The following ARHGAP28 variants were observed in gnomAD, a reference collection of about 807,000 sequenced individuals.
ARHGAP28 encodes Rho GTPase activating protein 28.
In ARHGAP28, 56 loss-of-function variants were observed where a neutral mutation model predicts 90.7. That is an observed-to-expected ratio of 0.62 (90% confidence interval 0.50 to 0.77). ARHGAP28 has a LOEUF of 0.77. Ranked by LOEUF, ARHGAP28 falls within the 30% of genes least tolerant of loss-of-function variation. The pLI is 0.00. For synonymous variants in ARHGAP28, 308 were observed against 323.3 expected (o/e 0.95, Z 0.51); for missense variants, 869 against 900.9 (o/e 0.96, Z 0.45).
intron 16 of ARHGAP28, among the ~76,000 whole-genome samples, chr18:6,903,967 C>G (rs1236166358): frequency 6.6e-6 from 1 of 151,642 alleles, no homozygotes; most frequent in Non-Finnish European, 1.5e-5. Flanking sequence ...ATATCAGTAA[C>G]AGAAGGAGAA....
chr18:6,823,941 T>A lies in ARHGAP28; in HGVS notation c.123-821T>A, dbSNP rs74583105. 8.4e-3 allele frequency among the ~76,000 whole-genome samples: 1,285 copies of A among 152,184 alleles called. 10 individuals carry two copies. Among genetic ancestry groups the A allele is most frequent in the Admixed American group, 0.016 (238 of 15,288 alleles). On this transcript the variant is annotated intron_variant, in intron 1 of 17. Transcript: ENST00000383472. Reference sequence around the variant, plus strand: ...ATTTTTTGAGGAACTTCCATACTGTTTTCCATAGAAAGCTGCCCCATTTTA... The same window carrying A: ...ATTTTTTGAGGAACTTCCATACTGTATTCCATAGAAAGCTGCCCCATTTTA...
In ARHGAP28 at chr18:6,890,489, G is replaced by T; in HGVS notation, c.1794G>T (p.Lys598Asn). Reference protein sequence around the residue: ...RRMNEATMLLKKQLPSVRKLL... With the variant: ...RRMNEATMLLNKQLPSVRKLL... ...TGAATGAAGCCACGATGCTATTGAA[G>T]AAGCAGCTCCCAAGTGTCAGGAAGC... Residue 598 changes from lysine (K) to asparagine (N), a missense_variant, in exon 14 of 18, where the codon AAG becomes AAT. Physicochemically the swap from Lys to Asn is moderately conservative, Grantham distance 94 (BLOSUM62 0). Coordinates refer to ENST00000383472, the MANE Select transcript of ARHGAP28 (RefSeq NM_001366230.1). 6.2e-7 allele frequency: 1 copy of T among 1,613,684 alleles called. No individual in the cohort carries two copies. Among genetic ancestry groups the T allele is most frequent in the Non-Finnish European group, 8.5e-7 (1 of 1,179,856 alleles).
chr18:6,895,030 G>A, intron 15 of ARHGAP28, 139 bp downstream of exon 15: 1 of 855,144 alleles, frequency 1.2e-6, no homozygotes, highest in Non-Finnish European at 1.9e-6. Context: ...TAAAGGAATG[G>A]TAGAGGGACC....
At chr18:6,735,276 T>C (rs2055915616) in intron 1 of ARHGAP28, among the ~76,000 whole-genome samples, 1 of 152,222 alleles carries the variant, frequency 6.6e-6, no homozygotes, top group African/African-American at 2.4e-5. Flanking sequence ...AGAATACCAT[T>C]TGTGAAAACT....
At chr18:6,761,086 T>G (rs1011049552) in intron 1 of ARHGAP28, among the ~76,000 whole-genome samples, 1 of 152,094 alleles carries the variant, frequency 6.6e-6, no homozygotes, top group African/African-American at 2.4e-5. Context: ...TACGATTCCC[T>G]TTATATATTG....
intron 2 of ARHGAP28, among the ~76,000 whole-genome samples, chr18:6,827,535 C>T (rs1304558668): frequency 7.3e-6 from 1 of 136,208 alleles, no homozygotes. Flanking sequence ...GCTGACCGGG[C>T]GGGGGGCTGA....
At chr18:6,891,695 C>G (rs1280561654) in intron 14 of ARHGAP28, among the ~76,000 whole-genome samples, 1 of 152,166 alleles carries the variant, frequency 6.6e-6, no homozygotes, top group Non-Finnish European at 1.5e-5. Flanking sequence ...TCAAGTGATC[C>G]TCCTGCCTGA....
chr18:6,881,678 T>C (rs16950727), intron 10 of ARHGAP28, among the ~76,000 whole-genome samples: 41,345 of 152,130 alleles, frequency 0.27, 6,043 homozygotes, highest in East Asian at 0.38. Context: ...AGTTACTTTA[T>C]TGGGATATTT....
At chr18:6,895,713 T>C (rs1257034154) in intron 15 of ARHGAP28, among the ~76,000 whole-genome samples, 3 of 152,232 alleles carry the variant, frequency 2.0e-5, no homozygotes, top group African/African-American at 7.2e-5. Context: ...AAACCTCATA[T>C]GTAATGGCCT....
intron 14 of ARHGAP28, among the ~76,000 whole-genome samples, chr18:6,891,406 A>G (rs1269604602): frequency 2.0e-5 from 3 of 152,046 alleles, no homozygotes; most frequent in African/African-American, 7.2e-5. Flanking sequence ...CTGGGACTAC[A>G]GGCATGCGCC....
intron 17 of ARHGAP28, among the ~76,000 whole-genome samples, chr18:6,909,783 G>T (rs545539953): frequency 1.3e-5 from 2 of 151,994 alleles, no homozygotes; most frequent in Non-Finnish European, 2.9e-5. Context: ...AAACTTCCCC[G>T]CTTGGTCTGT....
intron 1 of ARHGAP28, among the ~76,000 whole-genome samples, chr18:6,738,672 C>T (rs772381075): frequency 2.0e-5 from 3 of 152,178 alleles, no homozygotes; most frequent in African/African-American, 4.8e-5. Context: ...CTTTTCCTCT[C>T]ACCCTCACTA....
chr18:6,812,510 G>T (rs1431381), intron 1 of ARHGAP28, among the ~76,000 whole-genome samples: 13,921 of 152,168 alleles, frequency 0.091, 807 homozygotes, highest in East Asian at 0.26. Context: ...GGAAGGCTTA[G>T]GAGGGAAACC....
chr18:6,750,631 G>A (rs1802030308), intron 1 of ARHGAP28, among the ~76,000 whole-genome samples: 1 of 152,242 alleles, frequency 6.6e-6, no homozygotes, highest in Admixed American at 6.5e-5. Context: ...CCTTTGTGCT[G>A]TGTCACAAGA....
At chr18:6,737,415 T>G (rs1038259239) in intron 1 of ARHGAP28, among the ~76,000 whole-genome samples, 1 of 152,198 alleles carries the variant, frequency 6.6e-6, no homozygotes, top group African/African-American at 2.4e-5. Flanking sequence ...TATTACTTAT[T>G]TCTTCAGGCA....
chr18:6,871,327 T>C (rs1454041360), intron 7 of ARHGAP28, among the ~76,000 whole-genome samples: 1 of 152,244 alleles, frequency 6.6e-6, no homozygotes, highest in Non-Finnish European at 1.5e-5. Context: ...TTTCTTGCAC[T>C]TTATATTCTT....
chr18:6,896,955 C>T (rs1277616854), intron 16 of ARHGAP28: 1 of 182,938 alleles, frequency 5.5e-6, no homozygotes, highest in African/African-American at 2.4e-5. Context: ...TCTTTTTGCC[C>T]AGGCTGGAGT....
In ARHGAP28 at chr18:6,873,433, T is replaced by C; in HGVS notation, c.979T>C (p.Phe327Leu). 1 of 1,608,130 alleles carries C rather than the reference T, an allele frequency of 6.2e-7. No homozygotes were observed. The highest frequency in any genetic ancestry group is 1.1e-5 in the South Asian group (1 of 89,150). The change falls in exon 8 of 18, where the codon TTT becomes CTT. Residue 327 changes from phenylalanine (F) to leucine (L), a missense_variant. Coordinates refer to ENST00000383472, the MANE Select transcript of ARHGAP28 (RefSeq NM_001366230.1). ...LTKFNVQKTR[F>L]GLTEAGDLSA... ...GAAATTTAATGTTCAGAAAACCAGA[T>C]TTGGCTTAACTGAAGCAGGAGATCT...
intron 5 of ARHGAP28, among the ~76,000 whole-genome samples, chr18:6,862,597 C>T (rs1049700667): frequency 6.6e-6 from 1 of 152,104 alleles, no homozygotes; most frequent in Non-Finnish European, 1.5e-5. Context: ...GGGTAAGTTC[C>T]CCTTCATCAA....
Sources: allele counts gnomAD v4.1 joint callset (sites outside exome capture counted in the v4.1 genomes callset), GRCh38; gene constraint gnomAD v4.1.1; transcripts MANE v1.5; gene names NCBI Gene and HGNC (gene_info 2026-07-23, HGNC 2026-07-21).